Variants in SPINDOC observed in about 807,000 individuals in gnomAD.
SPINDOC encodes the protein spindlin interactor and repressor of chromatin-binding protein.
Under a neutral mutation model 30.7 loss-of-function variants are expected in SPINDOC, and 13 were observed. The observed-to-expected ratio is 0.42, with a 90% confidence interval of 0.28 to 0.67. The LOEUF is 0.67. Among genes scored for constraint, SPINDOC ranks in the 30% least tolerant of loss-of-function variants. The probability of loss-of-function intolerance (pLI) is 0.22; values close to 1 mark genes in which losing one functional copy is unlikely to be tolerated. For synonymous variants in SPINDOC, 228 were observed against 211.4 expected (o/e 1.08, Z -0.68); for missense variants, 438 against 518.0 (o/e 0.85, Z 1.50).
At chr11:63,820,026 A>T (rs1423170648) in intron 5 of SPINDOC, among the ~76,000 whole-genome samples, 1 of 152,192 alleles carries the variant, frequency 6.6e-6, no homozygotes. Context: ...AGACACCTCC[A>T]GGGGACACCA....
At chr11:63,823,048 A>G (rs2015570250) in intron 5 of SPINDOC, 1 of 1,087,310 alleles carries the variant, frequency 9.2e-7, no homozygotes, top group Non-Finnish European at 1.2e-6. Flanking sequence ...CTGGTACACA[A>G]GTGTTCCTGG....
intron 1 of SPINDOC, among the ~76,000 whole-genome samples, chr11:63,814,316 C>T (rs2015281353): frequency 6.6e-6 from 1 of 152,238 alleles, no homozygotes; most frequent in Admixed American, 6.5e-5. Flanking sequence ...GCTTCCCTGC[C>T]CACCACCCCG....
In SPINDOC at chr11:63,813,786, A is replaced by G; in HGVS notation, c.100A>G (p.Ile34Val). 6.3e-7 allele frequency: 1 copy of G among 1,586,312 alleles called. No homozygotes were observed. Among genetic ancestry groups the G allele is most frequent in the Non-Finnish European group, 8.6e-7 (1 of 1,167,460 alleles). ...DEEEAMVVAVIPRPEPMLRVT... is the reference protein window; with the variant it reads ...DEEEAMVVAVVPRPEPMLRVT... ...GGAGGAGGCCATGGTGGTGGCCGTA[A>G]TTCCGCGGCCCGAGCCGATGCTCAG... The change falls in exon 1 of 6, where the codon ATT (isoleucine) becomes GTT (valine). Residue 34 changes from isoleucine to valine, a missense_variant. Coordinates refer to ENST00000294244, the MANE Select transcript of SPINDOC (RefSeq NM_138471.3).
chr11:63,827,506 T>G lies in SPINDOC; in HGVS notation c.*367T>G, dbSNP rs1590940135. On this transcript the variant is annotated 3_prime_UTR_variant, in exon 6 of 6. Coordinates refer to ENST00000294244, the MANE Select transcript of SPINDOC (RefSeq NM_138471.3). Reference sequence around the variant, plus strand: ...TTACACAAGAGTGGTCATAAGGGGGTTTGAACTGAGTCCCACTACCTCGGG... The same window carrying G: ...TTACACAAGAGTGGTCATAAGGGGGGTTGAACTGAGTCCCACTACCTCGGG... The G allele has an allele frequency of 7.6e-6, 2 of 263,936 alleles. No individual in the cohort carries two copies. The highest frequency in any genetic ancestry group is 1.6e-4 in the East Asian group (2 of 12,180). 16.3% of individuals were successfully genotyped at this position (263,936 alleles called of 1,614,324 possible). A position where few individuals can be genotyped will look rare whatever the true frequency, so the allele number is the denominator to read the frequency against.
chr11:63,820,303 C>A (rs1386365267), intron 5 of SPINDOC, among the ~76,000 whole-genome samples: 2 of 148,922 alleles, frequency 1.3e-5, no homozygotes, highest in Non-Finnish European at 3.0e-5. Flanking sequence ...GAGGCTGAGG[C>A]AGGAGAATTG....
At chr11:63,822,652 A>G (rs2015559726) in intron 5 of SPINDOC, 1 of 1,288,810 alleles carries the variant, frequency 7.8e-7, no homozygotes, top group African/African-American at 1.5e-5. Flanking sequence ...GTCACATTCC[A>G]GTCCTGGCTC....
At chr11:63,826,793 T>C in intron 5 of SPINDOC, 135 bp from the exon 6 acceptor site, 1 of 623,566 alleles carries the variant, frequency 1.6e-6, no homozygotes, top group Non-Finnish European at 2.9e-6. Flanking sequence ...GGGCTTCCCC[T>C]CATGCCAGGC....
At chr11:63,821,756 C>CTTTTGT (rs1299298555) in intron 5 of SPINDOC, among the ~76,000 whole-genome samples, 2 of 152,014 alleles carry the variant, frequency 1.3e-5, no homozygotes, top group African/African-American at 4.8e-5. Flanking sequence ...AGCAGGTGTG[C>CTTTTGT]TTTTGTTTTT....
At chr11:63,822,689 TTG>T in intron 5 of SPINDOC, 1 of 1,288,906 alleles carries the variant, frequency 7.8e-7, no homozygotes, top group Non-Finnish European at 1.0e-6. Flanking sequence ...CTGCTTGGAC[TTG>T]AGCGTGTCCC....
chr11:63,816,232 T>C (rs1246139622), intron 1 of SPINDOC, among the ~76,000 whole-genome samples: 1 of 151,816 alleles, frequency 6.6e-6, no homozygotes, highest in Non-Finnish European at 1.5e-5. Context: ...GAGGGAATAT[T>C]GAGAAGAGAT....
intron 5 of SPINDOC, among the ~76,000 whole-genome samples, 153 bp downstream of exon 5, chr11:63,819,155 G>A (rs533643543): frequency 2.6e-4 from 40 of 152,330 alleles, no homozygotes; most frequent in African/African-American, 8.9e-4. Flanking sequence ...ACACGGGGCC[G>A]GGGCAGGGGA....
Position 63,818,595 on chromosome 11 carries a change from G to A in SPINDOC, c.676G>A (p.Glu226Lys). The change falls in exon 4 of 6, where the codon GAG becomes AAG. Residue 226 changes from glutamate (E) to lysine (K), a missense_variant. Glu to Lys is a moderately conservative substitution (Grantham distance 56). Coordinates refer to ENST00000294244, the MANE Select transcript of SPINDOC (RefSeq NM_138471.3). This position sits in a 1 kb window ranked among gnomAD's most constrained non-coding sequence, Gnocchi z 5.3. ...GQRWKEPPGE[E>K]PVRKKRGRPM... ...GAGATGGAAGGAACCCCCAGGGGAA[G>A]AGCCAGTCAGAAAGAAAAGAGGCAG... is the stretch of plus-strand genomic sequence containing the variant. 6.2e-7 allele frequency: 1 copy of A among 1,613,768 alleles called. No homozygotes were observed. The highest frequency in any genetic ancestry group is 1.7e-4 in the Middle Eastern group (1 of 5,870).
rs2015686689 is a variant in SPINDOC at position 63,827,592 on chromosome 11, C to G, written c.*453C>G. The G allele has an allele frequency of 4.7e-6, 1 of 210,626 alleles. No homozygotes were observed. The highest frequency in any genetic ancestry group is 9.8e-6 in the Non-Finnish European group (1 of 102,410). 13.0% of individuals were successfully genotyped at this position (210,626 alleles called of 1,614,324 possible). On this transcript the variant is annotated 3_prime_UTR_variant, in exon 6 of 6. Coordinates refer to ENST00000294244, the MANE Select transcript of SPINDOC (RefSeq NM_138471.3). ...ACCAGGAGGCCTCCATTACCTCTTC[C>G]TGTCCCACCCCTGCAGAGGCCTGAA...
chr11:63,825,093 C>G (rs1469871139), intron 5 of SPINDOC, among the ~76,000 whole-genome samples: 1 of 152,232 alleles, frequency 6.6e-6, no homozygotes, highest in Non-Finnish European at 1.5e-5. Flanking sequence ...CTATGCTCTG[C>G]TCTCCTGTAG....
chr11:63,825,884 A>T (rs763637510), intron 5 of SPINDOC, among the ~76,000 whole-genome samples: 2 of 152,126 alleles, frequency 1.3e-5, no homozygotes, highest in Non-Finnish European at 1.5e-5. Flanking sequence ...ATCCTTCCCA[A>T]TATAGACAGT....
chr11:63,813,807 C>G lies in SPINDOC; in HGVS notation c.121C>G (p.Leu41Val). Residue 41 changes from leucine (L) to valine (V), a missense_variant, in exon 1 of 6, where the codon CTC becomes GTC. By Grantham distance (32) the Leu-to-Val change is conservative. This residue lies in a region of SPINDOC where 129 missense variants were observed against 152.7 expected (regional missense o/e 0.84). Transcript: ENST00000294244. Reference protein sequence around the residue: ...VAVIPRPEPMLRVTQQEKTPP... With the variant: ...VAVIPRPEPMVRVTQQEKTPP... ...CGTAATTCCGCGGCCCGAGCCGATG[C>G]TCAGAGGTGAGGATGGAGGGGATTC... 1 of 1,571,068 alleles carries G rather than the reference C, an allele frequency of 6.4e-7. No individual in the cohort carries two copies. The highest frequency in any genetic ancestry group is 1.1e-5 in the South Asian group (1 of 87,182).
intron 5 of SPINDOC, among the ~76,000 whole-genome samples, chr11:63,824,386 G>A (rs1331466981): frequency 5.9e-5 from 9 of 152,222 alleles, no homozygotes; most frequent in Middle Eastern, 3.4e-3. Context: ...GTTGGAACAC[G>A]TCGTATCATT....
At position 63,818,175 on chromosome 11, in the gene SPINDOC, G is replaced by A. The variant is rs370801101; in HGVS notation, c.457+41G>A. ...GCTGGCGAAGGGAGAAGTCGGACTT[G>A]TTGGGGCACTAGAAGCTCATTGTGC... On this transcript the variant is annotated intron_variant, in intron 2 of 5. Coordinates refer to ENST00000294244, the MANE Select transcript of SPINDOC (RefSeq NM_138471.3). This position sits in a 1 kb window ranked among gnomAD's most constrained non-coding sequence, Gnocchi z 5.3. The A allele has an allele frequency of 1.1e-5, 18 of 1,613,252 alleles. No individual in the cohort carries two copies. The Admixed American group carries it at 2.8e-4, about 25-fold the overall frequency.
In SPINDOC at chr11:63,817,980, C is replaced by T; in HGVS notation, c.303C>T (p.Pro101=). 1.9e-6 allele frequency: 3 copies of T among 1,614,160 alleles called. No individual in the cohort carries two copies. The highest frequency in any genetic ancestry group is 2.5e-6 in the Non-Finnish European group (3 of 1,180,034). ...CMVCGAEIRA[P]SADTARSHIL... ...TGTGTGGCGCTGAGATCCGGGCACC[C>T]TCGGCCGACACAGCTCGCTCGCACA... Residue 101 remains proline, a synonymous_variant, in exon 2 of 6, where the codon CCC becomes CCT. Transcript: ENST00000294244.
Sources: allele counts gnomAD v4.1 joint callset (sites outside exome capture counted in the v4.1 genomes callset), GRCh38; gene constraint gnomAD v4.1.1; regional missense constraint gnomAD v4.1.1; non-coding constraint Gnocchi (gnomAD v3.1); transcripts MANE v1.5; gene names NCBI Gene and HGNC (gene_info 2026-07-23, HGNC 2026-07-21).